The following ARHGAP29 variants were observed in gnomAD, a reference collection of about 807,000 sequenced individuals.
ARHGAP29 encodes Rho GTPase activating protein 29.
In ARHGAP29, 43 loss-of-function variants were observed where a neutral mutation model predicts 122.6. The ratio of observed to expected loss-of-function variants is 0.35; its 90% CI spans 0.27 to 0.45. The LOEUF (loss-of-function observed/expected upper bound fraction) is 0.45. Ranked by LOEUF, ARHGAP29 falls within the 20% of genes least tolerant of loss-of-function variation. The probability of loss-of-function intolerance (pLI) is 1.00; values close to 1 mark genes in which losing one functional copy is unlikely to be tolerated. For missense variants in ARHGAP29, 1,303 were observed against 1,477.2 expected, an observed-to-expected ratio of 0.88 and a Z score of 1.93; for synonymous variants, 506 against 497.1, an observed-to-expected ratio of 1.02 and a Z score of -0.24.
In ARHGAP29 at chr1:94,173,077, A is replaced by G. The variant is rs572997888; in HGVS notation, c.*792T>C. On this transcript the variant is annotated 3_prime_UTR_variant, in exon 23 of 23. Transcript: ENST00000260526. ...TTTTTGGACCATTTATAAAATACTAAAAAGTTCAGAACTGCTGAAAAACAA... is the reference window on the plus strand; with the variant it reads ...TTTTTGGACCATTTATAAAATACTAGAAAGTTCAGAACTGCTGAAAAACAA... 6 of 152,770 alleles carry G rather than the reference A, an allele frequency of 3.9e-5. No homozygotes were observed. The East Asian group carries it at 1.2e-3, about 29-fold the overall frequency. 9.5% of individuals were successfully genotyped at this position (152,770 alleles called of 1,614,324 possible).
intron 3 of ARHGAP29, among the ~76,000 whole-genome samples, chr1:94,216,892 G>A (rs1651982303): frequency 6.6e-6 from 1 of 151,998 alleles, no homozygotes; most frequent in South Asian, 2.1e-4. Flanking sequence ...TGAATTTCCT[G>A]CTTGGAAACA....
chr1:94,244,729 C>T (rs1402052638), intron 1 of ARHGAP29, among the ~76,000 whole-genome samples: 1 of 151,986 alleles, frequency 6.6e-6, no homozygotes, highest in Non-Finnish European at 1.5e-5. Flanking sequence ...AGTTAATACA[C>T]TATAATCAAT....
At chr1:94,250,209 T>C (rs570775143) in intron 1 of ARHGAP29, among the ~76,000 whole-genome samples, 1 of 152,288 alleles carries the variant, frequency 6.6e-6, no homozygotes, top group East Asian at 1.9e-4. Context: ...GGACAGGTGC[T>C]CTTCCCCTCT....
chr1:94,232,968 T>C (rs1318750449), intron 1 of ARHGAP29, among the ~76,000 whole-genome samples: 1 of 151,110 alleles, frequency 6.6e-6, no homozygotes, highest in Non-Finnish European at 1.5e-5. Flanking sequence ...GGGTTGAGTC[T>C]GGGTCTCACG....
At chr1:94,205,436 T>G (rs1226170577) in intron 6 of ARHGAP29, among the ~76,000 whole-genome samples, 199 bp downstream of exon 6, 1 of 152,170 alleles carries the variant, frequency 6.6e-6, no homozygotes, top group Non-Finnish European at 1.5e-5. Context: ...TTTACACAAT[T>G]CTTGATCAGT....
At chr1:94,207,425 T>G (rs1177673821) in intron 5 of ARHGAP29, among the ~76,000 whole-genome samples, 1 of 151,926 alleles carries the variant, frequency 6.6e-6, no homozygotes, top group African/African-American at 2.4e-5. Context: ...CAAAAAAAAG[T>G]ACAAAAGAAA....
intron 1 of ARHGAP29, among the ~76,000 whole-genome samples, chr1:94,257,130 A>G (rs1654389341): frequency 6.6e-6 from 1 of 152,054 alleles, no homozygotes; most frequent in African/African-American, 2.4e-5. Context: ...TGGGCCGGGC[A>G]TGGTGGCTGA....
intron 1 of ARHGAP29, among the ~76,000 whole-genome samples, chr1:94,233,749 C>A (rs1477015874): frequency 6.6e-6 from 1 of 152,070 alleles, no homozygotes; most frequent in African/African-American, 2.4e-5. Context: ...CATAATAATA[C>A]ATGTTAAGTG....
the ARHGAP29 span, among the ~76,000 whole-genome samples, chr1:94,305,898 T>C: frequency 1.3e-5 from 2 of 152,212 alleles, no homozygotes; most frequent in African/African-American, 4.8e-5. Context: ...AGCAGTTGAA[T>C]GTGAGGTTGC....
In ARHGAP29 at chr1:94,263,381, C is replaced by A. The variant is rs139219779; in HGVS notation, c.-33+11631G>T. ...ATATAACAAACCTGCACATGTACTCCTGAACTTAAAAGTTAAAAAAAAAAA... is the reference window on the plus strand; with the variant it reads ...ATATAACAAACCTGCACATGTACTCATGAACTTAAAAGTTAAAAAAAAAAA... On this transcript the variant is annotated intron_variant and NMD_transcript_variant, in intron 1 of 25. Coordinates refer to the ARHGAP29 transcript ENST00000552844. Among the ~76,000 whole-genome samples, 616 of 134,018 alleles carry A rather than the reference C, an allele frequency of 4.6e-3. 9 individuals are homozygous for A. Among genetic ancestry groups the A allele is most frequent in the Admixed American group, 0.038 (488 of 12,780 alleles). 87.9% of individuals were successfully genotyped at this position (134,018 alleles called of 152,430 possible).
chr1:94,302,581 T>C, the ARHGAP29 span: 2 of 368,522 alleles, frequency 5.4e-6, no homozygotes, highest in South Asian at 4.2e-5. Flanking sequence ...AAGACTCTCA[T>C]GGCCCCTCTG....
intron 1 of ARHGAP29, among the ~76,000 whole-genome samples, chr1:94,253,636 A>ACAAG (rs145800692): frequency 6.7e-6 from 1 of 149,232 alleles, no homozygotes; most frequent in African/African-American, 2.5e-5. Context: ...TCTGGAACAC[A>ACAAG]CACGCACGCA....
At chr1:94,174,893 A>C (rs1260898298) in intron 22 of ARHGAP29, 144 bp from the exon 23 acceptor site, 1 of 943,660 alleles carries the variant, frequency 1.1e-6, no homozygotes, top group Admixed American at 2.7e-5. Context: ...TATGTGGAGG[A>C]GTTAAACATT....
intron 12 of ARHGAP29, among the ~76,000 whole-genome samples, chr1:94,201,467 CCCTCCCTTCTTT>C (rs1324919737): frequency 6.6e-6 from 1 of 150,906 alleles, no homozygotes; most frequent in Admixed American, 6.6e-5. Flanking sequence ...CTTCCTTCCT[CCCTCCCTTCTTT>C]CCTCCCTCCC....
At position 94,170,982 on chromosome 1, in the gene ARHGAP29, G is replaced by T. The variant is rs1472470836; in HGVS notation, c.*2887C>A. On this transcript the variant is annotated 3_prime_UTR_variant, in exon 23 of 23. Transcript: ENST00000260526. Reference sequence around the variant, plus strand: ...AATGTAGCAAATTTGCTAACTCCTAGATGTTAACTGAATAGTCTACATATA... The same window carrying T: ...AATGTAGCAAATTTGCTAACTCCTATATGTTAACTGAATAGTCTACATATA... Among the ~76,000 whole-genome samples the T allele has an allele frequency of 6.6e-6, 1 of 152,078 alleles. No individual in the cohort carries two copies. Among genetic ancestry groups the T allele is most frequent in the Non-Finnish European group, 1.5e-5 (1 of 68,022 alleles).
the ARHGAP29 span, among the ~76,000 whole-genome samples, chr1:94,298,487 C>T: frequency 2.8e-4 from 43 of 152,254 alleles, no homozygotes; most frequent in Non-Finnish European, 4.4e-4. Context: ...ACATTAGAGA[C>T]GTGAGGATTA....
chr1:94,205,636 T>A lies in ARHGAP29; in HGVS notation c.558A>T (p.Lys186Asn). Residue 186 changes from lysine to asparagine, a missense_variant and splice_region_variant, in exon 6 of 23, where the codon AAA becomes AAT. Physicochemically the swap from Lys to Asn is moderately conservative, Grantham distance 94 (BLOSUM62 0). Around this residue, in one of 3 missense-constraint regions of ARHGAP29, gnomAD observed 592 missense variants for 648.2 expected, o/e 0.91. Transcript: ENST00000260526. ...SVESVDSSSE[K>N]GNFSPLELDN... ...AGTTATAAACACCTTGAGCATTACCTTTTTCACTGGATGAGTCCACTGATT... is the reference window on the plus strand; with the variant it reads ...AGTTATAAACACCTTGAGCATTACCATTTTCACTGGATGAGTCCACTGATT... 1 of 1,609,492 alleles carries A rather than the reference T, an allele frequency of 6.2e-7. No homozygotes were observed. Among genetic ancestry groups the A allele is most frequent in the South Asian group, 1.1e-5 (1 of 90,448 alleles).
chr1:94,240,207 G>A (rs762120746), upstream of ARHGAP29, among the ~76,000 whole-genome samples: 6 of 152,102 alleles, frequency 3.9e-5, no homozygotes, highest in Non-Finnish European at 7.3e-5. Flanking sequence ...TGGCTATTTG[G>A]GAATCGAGGA....
intron 1 of ARHGAP29, among the ~76,000 whole-genome samples, chr1:94,267,907 A>G (rs1427999568): frequency 1.3e-5 from 2 of 152,214 alleles, no homozygotes; most frequent in Non-Finnish European, 2.9e-5. Context: ...TCTTCACTAT[A>G]TAATAAGAGA....
Sources: gnomAD v4.1 joint callset for allele counts (sites outside exome capture counted in the v4.1 genomes callset) on GRCh38, gnomAD v4.1.1 for gene constraint, gnomAD v4.1.1 regional missense constraint, MANE v1.5 for transcripts, NCBI Gene and HGNC (gene_info 2026-07-23, HGNC 2026-07-21) for gene names.